AGMO: variants seen among roughly 807,000 people sequenced by gnomAD.
AGMO encodes alkylglycerol monooxygenase.
AGMO carries 75 observed loss-of-function variants against 60.2 expected under a neutral mutation model. That is an observed-to-expected ratio of 1.25 (90% CI 1.03 to 1.51). The LOEUF (loss-of-function observed/expected upper bound fraction) is 1.51. Ranked by LOEUF, AGMO falls within the 40% of genes most tolerant of loss-of-function variation. The pLI is 0.00. For missense variants in AGMO, 763 were observed against 525.5 expected, an observed-to-expected ratio of 1.45 and a Z score of -4.42; for synonymous variants, 261 against 177.1, an observed-to-expected ratio of 1.47 and a Z score of -3.76.
At chr7:15,143,037 A>T in the AGMO span, among the ~76,000 whole-genome samples, 1 of 152,192 alleles carries the variant, frequency 6.6e-6, no homozygotes, top group East Asian at 1.9e-4. Context: ...CAACAATCTG[A>T]TGATAAATTA....
intron 3 of AGMO, among the ~76,000 whole-genome samples, chr7:15,508,672 C>T (rs1350867942): frequency 6.6e-6 from 1 of 151,800 alleles, no homozygotes; most frequent in African/African-American, 2.4e-5. Flanking sequence ...CTGTACACTG[C>T]GCACAGTGGG....
intron 10 of AGMO, among the ~76,000 whole-genome samples, chr7:15,368,278 A>AT (rs1159111663): frequency 1.6e-5 from 2 of 123,936 alleles, no homozygotes; most frequent in African/African-American, 7.2e-5. Context: ...GAAGAATGAG[A>AT]CCAAAAAAAA....
At chr7:15,361,842 G>A (rs1434893794) in intron 12 of AGMO, among the ~76,000 whole-genome samples, 1 of 152,102 alleles carries the variant, frequency 6.6e-6, no homozygotes, top group East Asian at 1.9e-4. Flanking sequence ...GACTTACTAA[G>A]TTTGACTTAT....
At chr7:15,327,583 A>G (rs1781378428) in intron 12 of AGMO, among the ~76,000 whole-genome samples, 1 of 152,030 alleles carries the variant, frequency 6.6e-6, no homozygotes, top group Non-Finnish European at 1.5e-5. Flanking sequence ...AGAAAAGGAG[A>G]TTAGAAAAGA....
At chr7:15,231,255 G>A (rs964296708) in intron 12 of AGMO, among the ~76,000 whole-genome samples, 9 of 152,056 alleles carry the variant, frequency 5.9e-5, no homozygotes, top group Non-Finnish European at 1.3e-4. Context: ...TATTTCATTG[G>A]GAAGCTTGCT....
intron 10 of AGMO, among the ~76,000 whole-genome samples, chr7:15,378,742 T>C (rs62452363): frequency 0.2 from 30,738 of 151,442 alleles, 3,302 homozygotes; most frequent in African/African-American, 0.23. Context: ...GTGGCAAAAT[T>C]CTATAGTGCC....
chr7:15,173,924 T>C, the AGMO span, among the ~76,000 whole-genome samples: 4 of 152,060 alleles, frequency 2.6e-5, no homozygotes, highest in African/African-American at 9.6e-5. Flanking sequence ...CTTTTGATTT[T>C]ATTTTTAAAA....
intron 3 of AGMO, among the ~76,000 whole-genome samples, chr7:15,458,779 C>G (rs576059001): frequency 6.6e-6 from 1 of 152,002 alleles, no homozygotes; most frequent in African/African-American, 2.4e-5. Context: ...TTGCCTAAGA[C>G]GACACAACCA....
At chr7:15,184,546 GGAAGGAAGGAAAA>G in the AGMO span, among the ~76,000 whole-genome samples, 1 of 131,760 alleles carries the variant, frequency 7.6e-6, no homozygotes, top group African/African-American at 3.0e-5. Flanking sequence ...GAGGTAAAAA[GGAAGGAAGGAAAA>G]GGAGGGAGGG....
At chr7:15,134,791 G>A in the AGMO span, among the ~76,000 whole-genome samples, 1 of 146,792 alleles carries the variant, frequency 6.8e-6, no homozygotes, top group Non-Finnish European at 1.5e-5. Context: ...AAAGCAGTTT[G>A]ATAGTGAAAT....
At chr7:15,547,795 C>T (rs568437873) in intron 2 of AGMO, among the ~76,000 whole-genome samples, 1 of 150,684 alleles carries the variant, frequency 6.6e-6, no homozygotes, top group Non-Finnish European at 1.5e-5. Flanking sequence ...CGGGAAGCTC[C>T]AACTGGGTGG....
the AGMO span, among the ~76,000 whole-genome samples, chr7:15,160,927 A>C: frequency 6.6e-6 from 1 of 152,170 alleles, no homozygotes; most frequent in African/African-American, 2.4e-5. Flanking sequence ...ATCAAAAAGC[A>C]AGCAACTGAC....
chr7:15,535,821 A>C (rs1784472656), intron 3 of AGMO, among the ~76,000 whole-genome samples: 3 of 151,908 alleles, frequency 2.0e-5, no homozygotes, highest in South Asian at 4.1e-4. Context: ...AGTTATTTTC[A>C]AGTGAATAAT....
chr7:15,541,905 T>C (rs1035781333), intron 3 of AGMO, among the ~76,000 whole-genome samples: 4 of 152,198 alleles, frequency 2.6e-5, no homozygotes, highest in Non-Finnish European at 4.4e-5. Context: ...CATTTTGAAG[T>C]AGTGAAAGGA....
chr7:15,332,701 T>C (rs1467741626), intron 12 of AGMO, among the ~76,000 whole-genome samples: 1 of 152,172 alleles, frequency 6.6e-6, no homozygotes, highest in Non-Finnish European at 1.5e-5. Context: ...GACCCATGAA[T>C]GTACCTGGTA....
intron 12 of AGMO, among the ~76,000 whole-genome samples, chr7:15,274,487 A>C (rs1783718333): frequency 6.6e-6 from 1 of 152,122 alleles, no homozygotes; most frequent in Admixed American, 6.6e-5. Flanking sequence ...ATGGTGGATA[A>C]GCTTTTTGAT....
intron 10 of AGMO, among the ~76,000 whole-genome samples, chr7:15,381,366 A>G (rs1783677598): frequency 6.6e-6 from 1 of 152,120 alleles, no homozygotes; most frequent in African/African-American, 2.4e-5. Flanking sequence ...AAAGTGGGCG[A>G]AGAACACGAA....
the AGMO span, among the ~76,000 whole-genome samples, chr7:15,187,048 ATAAAG>A: frequency 6.6e-6 from 1 of 152,254 alleles, no homozygotes; most frequent in African/African-American, 2.4e-5. Flanking sequence ...TAAATGGTTT[ATAAAG>A]TAATTTTCTT....
chr7:15,532,020 G>C (rs2128542899), intron 3 of AGMO, among the ~76,000 whole-genome samples: 1 of 152,172 alleles, frequency 6.6e-6, no homozygotes, highest in Admixed American at 6.6e-5. Context: ...TACTGCACAA[G>C]TCAAACATCT....
Sources: allele counts gnomAD v4.1 joint callset (sites outside exome capture counted in the v4.1 genomes callset), GRCh38; gene constraint gnomAD v4.1.1; transcripts MANE v1.5; gene names NCBI Gene and HGNC (gene_info 2026-07-23, HGNC 2026-07-21).